Variants in BMPER observed in about 807,000 individuals in gnomAD.
BMPER encodes BMP-binding endothelial regulator protein.
BMPER carries 45 observed loss-of-function variants against 87.3 expected under a neutral mutation model. The ratio of observed to expected loss-of-function variants is 0.52; its 90% confidence interval spans 0.41 to 0.66. BMPER has a LOEUF of 0.66. Among genes scored for constraint, BMPER ranks in the 30% least tolerant of loss-of-function variants. BMPER has a pLI of 0.00. For missense variants in BMPER, 784 were observed against 867.5 expected, an observed-to-expected ratio of 0.90 and a Z score of 1.21; for synonymous variants, 326 against 316.2, an observed-to-expected ratio of 1.03 and a Z score of -0.33.
intron 6 of BMPER, among the ~76,000 whole-genome samples, chr7:34,044,689 G>A (rs773671535): frequency 2.6e-5 from 4 of 152,124 alleles, no homozygotes; most frequent in African/African-American, 9.6e-5. Context: ...TTGTTGATTC[G>A]GAAATAATGT....
At chr7:34,126,352 G>A (rs1259455392) in intron 13 of BMPER, among the ~76,000 whole-genome samples, 1 of 152,186 alleles carries the variant, frequency 6.6e-6, no homozygotes, top group Non-Finnish European at 1.5e-5. Flanking sequence ...GGGACTTGTG[G>A]ACCATGACTA....
At chr7:33,912,522 C>T (rs966021815) in intron 2 of BMPER, among the ~76,000 whole-genome samples, 1 of 152,080 alleles carries the variant, frequency 6.6e-6, no homozygotes, top group African/African-American at 2.4e-5. Flanking sequence ...CTTCCCCAGA[C>T]TAGAATGCAA....
intron 12 of BMPER, among the ~76,000 whole-genome samples, chr7:34,083,467 T>A (rs115549467): frequency 0.026 from 3,991 of 152,320 alleles, 184 homozygotes; most frequent in African/African-American, 0.091. Flanking sequence ...CTCTAAAATT[T>A]TTTTTGGTCT....
intron 2 of BMPER, among the ~76,000 whole-genome samples, chr7:33,927,706 C>T (rs1219894634): frequency 1.3e-5 from 2 of 152,124 alleles, no homozygotes; most frequent in Non-Finnish European, 2.9e-5. Context: ...CCTCCAAAAT[C>T]CCTACCAACC....
chr7:34,011,406 A>C (rs1365471080), intron 6 of BMPER, among the ~76,000 whole-genome samples: 1 of 151,746 alleles, frequency 6.6e-6, no homozygotes, highest in Non-Finnish European at 1.5e-5. Flanking sequence ...CTTCCTCTAA[A>C]GGTATCACTG....
intron 4 of BMPER, among the ~76,000 whole-genome samples, chr7:33,967,286 A>G (rs948346337): frequency 8.5e-5 from 13 of 152,264 alleles, no homozygotes; most frequent in Non-Finnish European, 1.0e-4. Flanking sequence ...TCTTCTTCGT[A>G]GAAAAGGTGC....
At chr7:33,921,663 G>A (rs1784233104) in intron 2 of BMPER, 1 of 451,702 alleles carries the variant, frequency 2.2e-6, no homozygotes, top group Non-Finnish European at 4.7e-6. Context: ...GCTGCTGCCA[G>A]TCTCTTCATG....
chr7:33,916,311 G>C (rs1268238229), intron 2 of BMPER, among the ~76,000 whole-genome samples: 2 of 152,220 alleles, frequency 1.3e-5, no homozygotes, highest in Non-Finnish European at 2.9e-5. Context: ...ACGAATCAGA[G>C]TGTTGTTTTC....
intron 3 of BMPER, among the ~76,000 whole-genome samples, chr7:33,961,973 G>A (rs972109102): frequency 2.0e-5 from 3 of 152,144 alleles, no homozygotes; most frequent in South Asian, 4.1e-4. Context: ...TGATGTTAAT[G>A]TGAAAAATGA....
At chr7:34,109,996 G>A (rs1003842785) in intron 13 of BMPER, among the ~76,000 whole-genome samples, 1 of 152,108 alleles carries the variant, frequency 6.6e-6, no homozygotes, top group Non-Finnish European at 1.5e-5. Context: ...CAGCAAGGGG[G>A]GAAATGCCAT....
At chr7:34,082,467 C>T (rs1245536714) in intron 12 of BMPER, among the ~76,000 whole-genome samples, 1 of 150,952 alleles carries the variant, frequency 6.6e-6, no homozygotes. Flanking sequence ...TAGAGTAAGT[C>T]ATCCCTTCAC....
At position 33,937,592 on chromosome 7, in the gene BMPER, C is replaced by T. The variant is rs563106801; in HGVS notation, c.319+204C>T. On this transcript the variant is annotated intron_variant, in intron 3 of 14. Transcript: ENST00000649409. ...TGGGGCTGGAAGGAAGGGGGCTCTCCTGGAGGAGGGATGAAAGTATGTGAG... is the reference window on the plus strand; with the variant it reads ...TGGGGCTGGAAGGAAGGGGGCTCTCTTGGAGGAGGGATGAAAGTATGTGAG... The T allele has an allele frequency of 1.4e-3, 830 of 590,240 alleles. 6 individuals carry two copies. Among genetic ancestry groups the T allele is most frequent in the South Asian group, 2.2e-3 (115 of 51,610 alleles). 36.6% of individuals were successfully genotyped at this position (590,240 alleles called of 1,614,324 possible). A position where few individuals can be genotyped will look rare whatever the true frequency, so the allele number is the denominator to read the frequency against.
intron 7 of BMPER, among the ~76,000 whole-genome samples, chr7:34,047,841 T>TCCCC (rs1359199300): frequency 1.4e-5 from 2 of 146,146 alleles, no homozygotes; most frequent in African/African-American, 2.6e-5. Flanking sequence ...CTTGCTTTCT[T>TCCCC]TCTCTTTCTA....
chr7:34,151,558 A>G (rs1791177102), intron 14 of BMPER, among the ~76,000 whole-genome samples: 1 of 152,200 alleles, frequency 6.6e-6, no homozygotes, highest in Non-Finnish European at 1.5e-5. Context: ...TAAGGCATAG[A>G]TGATATGGGA....
intron 13 of BMPER, among the ~76,000 whole-genome samples, chr7:34,120,840 A>T (rs1583458627): frequency 6.6e-6 from 1 of 152,206 alleles, no homozygotes; most frequent in East Asian, 1.9e-4. Context: ...TAAATTGTGG[A>T]AACATAATAT....
Position 33,943,792 on chromosome 7 carries a change from C to G in BMPER, c.319+6404C>G, listed in dbSNP as rs558627305. 2.0e-5 allele frequency among the ~76,000 whole-genome samples: 3 copies of G among 152,294 alleles called. No individual in the cohort carries two copies. In the East Asian group the frequency reaches 5.8e-4, roughly 29 times the overall value. On this transcript the variant is annotated intron_variant, in intron 3 of 14. Transcript: ENST00000649409. The stretch of plus-strand genomic sequence containing the variant: ...TTCCATTCCATCTAACGGATTCCCC[C>G]ACTTCACACTGCAACATTCACACTC...
At chr7:34,150,146 G>A (rs1363151957) in intron 14 of BMPER, among the ~76,000 whole-genome samples, 1 of 152,138 alleles carries the variant, frequency 6.6e-6, no homozygotes, top group Non-Finnish European at 1.5e-5. Flanking sequence ...TCTGGGATGG[G>A]GAAGTGCTTC....
intron 3 of BMPER, among the ~76,000 whole-genome samples, chr7:33,955,943 C>T (rs1334067868): frequency 6.6e-6 from 1 of 151,880 alleles, no homozygotes; most frequent in Non-Finnish European, 1.5e-5. Context: ...TAACAAAATG[C>T]CAAAACAATG....
chr7:33,944,621 A>T (rs1784839905), intron 3 of BMPER, among the ~76,000 whole-genome samples: 1 of 152,182 alleles, frequency 6.6e-6, no homozygotes, highest in Non-Finnish European at 1.5e-5. Context: ...AAGGCATGTT[A>T]TCATCTCATT....
Sources: allele counts gnomAD v4.1 joint callset (sites outside exome capture counted in the v4.1 genomes callset), GRCh38; gene constraint gnomAD v4.1.1; transcripts MANE v1.5; gene names NCBI Gene and HGNC (gene_info 2026-07-23, HGNC 2026-07-21).